KIF21A: variants seen among roughly 807,000 people sequenced by gnomAD.
The protein encoded by KIF21A is kinesin-like protein KIF21A.
In KIF21A, 114 loss-of-function variants were observed where a neutral mutation model predicts 202.9. The ratio of observed to expected loss-of-function variants is 0.56; its 90% confidence interval spans 0.48 to 0.66. KIF21A has a LOEUF of 0.66. Ranked by LOEUF, KIF21A falls within the 30% of genes least tolerant of loss-of-function variation. KIF21A has a pLI of 0.00. For synonymous variants in KIF21A, 667 were observed against 670.8 expected (o/e 0.99, Z 0.09); for missense variants, 1,677 against 1,994.9 (o/e 0.84, Z 3.04).
chr12:39,396,641 G>C (rs12230604), intron 1 of KIF21A, among the ~76,000 whole-genome samples: 1 of 151,940 alleles, frequency 6.6e-6, no homozygotes, highest in Non-Finnish European at 1.5e-5. Context: ...GAATACTTAC[G>C]ATAACTCCCT....
At chr12:39,405,470 A>T (rs1465584344) in intron 1 of KIF21A, among the ~76,000 whole-genome samples, 1 of 152,228 alleles carries the variant, frequency 6.6e-6, no homozygotes, top group Non-Finnish European at 1.5e-5. Context: ...TTGCCAAAAT[A>T]ATTGCAACAT....
At chr12:39,328,585 G>T (rs994074814) in intron 24 of KIF21A, among the ~76,000 whole-genome samples, 1 of 152,162 alleles carries the variant, frequency 6.6e-6, no homozygotes, top group African/African-American at 2.4e-5. Context: ...AAATAAGGAT[G>T]TTCTTTAAAG....
At position 39,294,200 on chromosome 12, in the gene KIF21A, A is replaced by G. The variant is rs576909590; in HGVS notation, c.*224T>C. The G allele has an allele frequency of 6.1e-5, 28 of 462,116 alleles. No individual in the cohort carries two copies. Among genetic ancestry groups the G allele is most frequent in the Non-Finnish European group, 1.1e-4 (27 of 255,004 alleles). The allele number at this position is 462,116 out of a possible 1,614,324, so 28.6% of individuals were successfully genotyped here. A position where few individuals can be genotyped will look rare whatever the true frequency, so the allele number is the denominator to read the frequency against. ...ACAATAAAAGTGTGAATAAAGCAATATATCAATTGTAGGATATATATCTAT... is the reference window on the plus strand; with the variant it reads ...ACAATAAAAGTGTGAATAAAGCAATGTATCAATTGTAGGATATATATCTAT... On this transcript the variant is annotated 3_prime_UTR_variant, in exon 38 of 38. Coordinates refer to ENST00000361418, the MANE Select transcript of KIF21A (RefSeq NM_001173464.2).
intron 11 of KIF21A, among the ~76,000 whole-genome samples, chr12:39,347,719 T>C (rs1166886039): frequency 1.3e-5 from 2 of 152,012 alleles, no homozygotes; most frequent in Non-Finnish European, 2.9e-5. Flanking sequence ...TGGTCCAGTA[T>C]AGTGATTAGA....
At chr12:39,402,017 A>G (rs1339386923) in intron 1 of KIF21A, among the ~76,000 whole-genome samples, 2 of 152,168 alleles carry the variant, frequency 1.3e-5, no homozygotes, top group African/African-American at 4.8e-5. Flanking sequence ...CAGACAGGAA[A>G]ATTAAATATA....
At chr12:39,377,281 T>C (rs890734024) in intron 1 of KIF21A, among the ~76,000 whole-genome samples, 1 of 152,160 alleles carries the variant, frequency 6.6e-6, no homozygotes. Context: ...ATGATCATTA[T>C]GTTGGATGCT....
At chr12:39,338,014 T>A (rs1474751316) in intron 16 of KIF21A, among the ~76,000 whole-genome samples, 3 of 152,090 alleles carry the variant, frequency 2.0e-5, no homozygotes, top group African/African-American at 7.2e-5. Context: ...TATTTTGGAC[T>A]TATGAAAAAA....
chr12:39,351,801 C>A lies in KIF21A; in HGVS notation c.1649G>T (p.Arg550Ile). The A allele has an allele frequency of 6.3e-7, 1 of 1,583,776 alleles. No individual in the cohort carries two copies. Among genetic ancestry groups the A allele is most frequent in the Middle Eastern group, 1.7e-4 (1 of 5,986 alleles). ...LAKKDLEKLK[R>I]KEKRKKKRLQ... Reference sequence around the variant, plus strand: ...CCTTTTTTTCTTCCTCTTTTCTTTTCTTTTCAACTTCTCTAAATCTTTTTT... The same window carrying A: ...CCTTTTTTTCTTCCTCTTTTCTTTTATTTTCAACTTCTCTAAATCTTTTTT... The change falls in exon 11 of 38, where the codon AGA (arginine) becomes ATA (isoleucine). Residue 550 changes from arginine to isoleucine, a missense_variant. Coordinates refer to ENST00000361418, the MANE Select transcript of KIF21A (RefSeq NM_001173464.2).
chr12:39,433,117 A>C (rs17127131), intron 1 of KIF21A, among the ~76,000 whole-genome samples: 5,793 of 152,290 alleles, frequency 0.038, 132 homozygotes, highest in African/African-American at 0.065. Flanking sequence ...TAATTTTTCT[A>C]ATGTGATTAA....
chr12:39,388,843 C>G (rs1347496298), intron 1 of KIF21A, among the ~76,000 whole-genome samples: 1 of 152,136 alleles, frequency 6.6e-6, no homozygotes, highest in Non-Finnish European at 1.5e-5. Context: ...CTACCAGATA[C>G]AGTGCTAAAT....
chr12:39,395,755 T>C (rs966128197), intron 1 of KIF21A, among the ~76,000 whole-genome samples: 4 of 151,500 alleles, frequency 2.6e-5, no homozygotes, highest in Non-Finnish European at 4.4e-5. Context: ...GGCAGGATAA[T>C]TGCTTGAAAC....
chr12:39,368,278 A>T (rs1239275253), intron 3 of KIF21A, among the ~76,000 whole-genome samples: 2 of 152,200 alleles, frequency 1.3e-5, no homozygotes, highest in African/African-American at 2.4e-5. Context: ...AGGACTAGCT[A>T]AAATGATCTA....
At chr12:39,422,690 A>G (rs1340772302) in intron 1 of KIF21A, among the ~76,000 whole-genome samples, 1 of 152,216 alleles carries the variant, frequency 6.6e-6, no homozygotes, top group East Asian at 1.9e-4. Context: ...TTGGTCTGAA[A>G]TATGCCAAAA....
At chr12:39,353,418 T>C (rs1448792947) in intron 10 of KIF21A, among the ~76,000 whole-genome samples, 1 of 152,170 alleles carries the variant, frequency 6.6e-6, no homozygotes, top group East Asian at 1.9e-4. Flanking sequence ...AATAGCTGTG[T>C]GCAAACTTCT....
chr12:39,434,172 C>T (rs1360763035), intron 1 of KIF21A, among the ~76,000 whole-genome samples: 3 of 152,152 alleles, frequency 2.0e-5, no homozygotes, highest in Non-Finnish European at 4.4e-5. Context: ...GCATCTGGCA[C>T]GGTCTTTCTT....
Position 39,311,497 on chromosome 12 carries a change from C to T in KIF21A, c.4016G>A (p.Cys1339Tyr). The change falls in exon 32 of 38, where the codon TGT becomes TAT. Residue 1339 changes from cysteine (C) to tyrosine (Y), a missense_variant. Around this residue, in one of 3 missense-constraint regions of KIF21A, gnomAD observed 705 missense variants for 791.9 expected, o/e 0.89. Transcript: ENST00000361418. ...TGTATGCCCTTCAGCTATGTGAATA[C>T]ACTGAAGTGGAAAAGCTCTGATTCC... is the stretch of plus-strand genomic sequence containing the variant. Reference protein sequence around the residue: ...SKGIRAFPLQCIHIAEGHTKA... With the variant: ...SKGIRAFPLQYIHIAEGHTKA... 1 of 1,612,768 alleles carries T rather than the reference C, an allele frequency of 6.2e-7. No homozygotes were observed. Among genetic ancestry groups the T allele is most frequent in the Non-Finnish European group, 8.5e-7 (1 of 1,178,896 alleles).
Position 39,368,106 on chromosome 12 carries a change from A to G in KIF21A, c.451-74T>C, listed in dbSNP as rs546652932. 5 of 896,490 alleles carry G rather than the reference A, an allele frequency of 5.6e-6. No homozygotes were observed. The East Asian group carries it at 9.7e-5, about 17-fold the overall frequency. The allele number at this position is 896,490 out of a possible 1,614,324, so 55.5% of individuals were successfully genotyped here. A position where few individuals can be genotyped will look rare whatever the true frequency, so the allele number is the denominator to read the frequency against. ...AGTTGTCATAACAACACATTACATA[A>G]TGATTCCTTCATACAGATTTTTAAA... On this transcript the variant is annotated intron_variant, in intron 3 of 37. Transcript: ENST00000361418.
chr12:39,404,559 A>G (rs1444616422), intron 1 of KIF21A, among the ~76,000 whole-genome samples: 1 of 152,198 alleles, frequency 6.6e-6, no homozygotes, highest in African/African-American at 2.4e-5. Flanking sequence ...TGAGAAATAT[A>G]CAGTAAGAAT....
intron 1 of KIF21A, among the ~76,000 whole-genome samples, chr12:39,436,448 A>ATATATATATATATATATATATTTTT (rs1387332677): frequency 2.1e-4 from 20 of 95,744 alleles, no homozygotes; most frequent in Non-Finnish European, 3.4e-4. Context: ...ATATATATAT[A>ATATATATATATATATATATATTTTT]TTTTTTTTTT....
Sources: allele counts gnomAD v4.1 joint callset (sites outside exome capture counted in the v4.1 genomes callset), GRCh38; gene constraint gnomAD v4.1.1; regional missense constraint gnomAD v4.1.1; transcripts MANE v1.5; gene names NCBI Gene and HGNC (gene_info 2026-07-23, HGNC 2026-07-21).